Variants in COL4A3 observed in about 807,000 individuals in gnomAD.
The protein encoded by COL4A3 is collagen type IV alpha 3 chain.
Under a neutral mutation model 217.4 loss-of-function variants are expected in COL4A3, and 135 were observed. That is an observed-to-expected ratio of 0.62 (90% CI 0.54 to 0.72). The LOEUF (loss-of-function observed/expected upper bound fraction) is 0.72. Ranked by LOEUF, COL4A3 falls within the 30% of genes least tolerant of loss-of-function variation. The pLI, the probability that COL4A3 is intolerant of heterozygous loss-of-function variation, is 0.00. For missense variants in COL4A3, 1,868 were observed against 2,119.9 expected (o/e 0.88, Z 2.33); for synonymous variants, 690 against 736.3 (o/e 0.94, Z 1.02).
At chr2:227,174,328 T>G (rs2065597427) in intron 1 of COL4A3, among the ~76,000 whole-genome samples, 1 of 152,126 alleles carries the variant, frequency 6.6e-6, no homozygotes, top group Non-Finnish European at 1.5e-5. Flanking sequence ...AGAAATCAAA[T>G]TATCACTAGC....
chr2:227,204,128 G>T (rs183639005), intron 1 of COL4A3, among the ~76,000 whole-genome samples: 33 of 152,200 alleles, frequency 2.2e-4, no homozygotes, highest in Admixed American at 2.2e-3. Flanking sequence ...AAATTACCTG[G>T]ATTCAACTCC....
chr2:227,303,103 C>T lies in COL4A3; in HGVS notation c.3948C>T (p.Gly1316=), dbSNP rs368594549. The T allele has an allele frequency of 8.1e-6, 13 of 1,613,236 alleles. No homozygotes were observed. Among genetic ancestry groups the T allele is most frequent in the Admixed American group, 3.3e-5 (2 of 59,976 alleles). The change falls in exon 44 of 52, where the codon GGC becomes GGT. Residue 1316 remains glycine, a synonymous_variant. Transcript: ENST00000396578. ...ATCCTGGATTCCAGGGGTTTCCAGG[C>T]GTGAAAGGTACTGTTTTTGTGCATT... ...RGDPGFQGFP[G]VKGEKGNPGF...
At chr2:227,235,837 A>T (rs1428325465) in intron 1 of COL4A3, among the ~76,000 whole-genome samples, 1 of 143,644 alleles carries the variant, frequency 7.0e-6, no homozygotes, top group Admixed American at 7.3e-5. Flanking sequence ...GCAATGGCGC[A>T]ATCTCGGCTC....
chr2:227,164,854 C>A lies in COL4A3; in HGVS notation c.87+41C>A. On this transcript the variant is annotated intron_variant, in intron 1 of 51. Transcript: ENST00000396578. The surrounding 1 kb of genome is among the most constrained non-coding windows in gnomAD (Gnocchi z 4.8). The stretch of plus-strand genomic sequence containing the variant: ...GCGACCCCCACCCCCGCACTTCCAT[C>A]CCTCCTCCACGCGTCCGGGGGACGC... The A allele has an allele frequency of 1.4e-6, 2 of 1,466,856 alleles. No individual in the cohort carries two copies. The highest frequency in any genetic ancestry group is 1.8e-6 in the Non-Finnish European group (2 of 1,116,250). 90.9% of individuals were successfully genotyped at this position (1,466,856 alleles called of 1,614,324 possible).
At chr2:227,207,755 A>C (rs562487361) in intron 1 of COL4A3, among the ~76,000 whole-genome samples, 5 of 152,292 alleles carry the variant, frequency 3.3e-5, no homozygotes, top group African/African-American at 1.2e-4. Flanking sequence ...CAGCAGGCAT[A>C]CTTTGGATTG....
chr2:227,283,679 CTAAGTA>C (rs1403114210), intron 32 of COL4A3, 82 bp from the exon 33 acceptor site: 6 of 1,126,770 alleles, frequency 5.3e-6, no homozygotes, highest in Admixed American at 1.7e-5. Flanking sequence ...ATCTCTGCTT[CTAAGTA>C]TAATTTATTT....
chr2:227,295,007 AG>A lies in COL4A3; in HGVS notation c.3464del (p.Gly1155ValfsTer21), dbSNP rs2072964691. 2 of 1,612,098 alleles carry A rather than the reference AG, an allele frequency of 1.2e-6. No individual in the cohort carries two copies. The highest frequency in any genetic ancestry group is 2.2e-5 in the South Asian group (2 of 91,024). On this transcript the variant is annotated frameshift_variant, in exon 40 of 52. Coordinates refer to ENST00000396578, the MANE Select transcript of COL4A3 (RefSeq NM_000091.5). LOFTEE classifies it high-confidence loss of function. ...PGSPGPMGIR[G>X]DQGRDGIPGP... ...GATCTCCTGGACCAATGGGTATAAG[AG>A]GTGACCAAGGACGTGATGGAATTCC... is the stretch of plus-strand genomic sequence containing the variant.
At chr2:227,198,008 T>C (rs1048471456) in intron 1 of COL4A3, among the ~76,000 whole-genome samples, 1 of 152,206 alleles carries the variant, frequency 6.6e-6, no homozygotes, top group African/African-American at 2.4e-5. Context: ...GTTGTGGAAA[T>C]CGTGTTTATG....
At chr2:227,225,101 C>T (rs989814549) in intron 1 of COL4A3, among the ~76,000 whole-genome samples, 17 of 152,108 alleles carry the variant, frequency 1.1e-4, no homozygotes, top group African/African-American at 2.9e-4. Flanking sequence ...AGACAGGGTC[C>T]CACTATGTTG....
At position 227,221,135 on chromosome 2, in the gene COL4A3, A is replaced by G. The variant is rs190920688; in HGVS notation, c.88-16833A>G. On this transcript the variant is annotated intron_variant, in intron 1 of 51. Coordinates refer to ENST00000396578, the MANE Select transcript of COL4A3 (RefSeq NM_000091.5). ...CTTGTCCAGCACAAAGGAATTATCA[A>G]CACCTGTACATGTCATGAAATTACC... 7 of 152,296 alleles carry G rather than the reference A, an allele frequency of 4.6e-5. No individual in the cohort carries two copies. In the East Asian group the frequency reaches 7.7e-4, roughly 17 times the overall value. The allele number at this position is 152,296 out of a possible 1,614,324, so 9.4% of individuals were successfully genotyped here.
At chr2:227,215,098 G>A (rs4673182) in intron 1 of COL4A3, among the ~76,000 whole-genome samples, 138,797 of 152,150 alleles carry the variant, frequency 0.91, 63,477 homozygotes, top group Non-Finnish European at 0.95. Flanking sequence ...TTTTCTAGCA[G>A]TGCATTTTTA....
intron 3 of COL4A3, among the ~76,000 whole-genome samples, chr2:227,241,881 C>G (rs958621585): frequency 6.6e-6 from 1 of 152,088 alleles, no homozygotes; most frequent in African/African-American, 2.4e-5. Context: ...CCATCATTAC[C>G]TCCACTACAT....
intron 39 of COL4A3, 45 bp downstream of exon 39, chr2:227,294,615 A>G: frequency 7.5e-7 from 1 of 1,340,172 alleles, no homozygotes; most frequent in Middle Eastern, 1.8e-4. Context: ...TGTGGGAGAC[A>G]CATTTTCTCC....
chr2:227,305,433 A>G (rs1244654838), intron 47 of COL4A3: 1 of 232,926 alleles, frequency 4.3e-6, no homozygotes, highest in Non-Finnish European at 8.7e-6. Flanking sequence ...GGAGCAGTAC[A>G]TAAGTATGTA....
At position 227,240,208 on chromosome 2, in the gene COL4A3, C is replaced by G; in HGVS notation, c.210C>G (p.Gly70=). ...AGAAAGGATTCACAGGTCCTGAAGG[C>G]TTGCCTGGACCGCAGGGACCCAAGG... ...PGQKGFTGPE[G]LPGPQGPKGF... The change falls in exon 3 of 52, where the codon GGC becomes GGG. Residue 70 remains glycine (G), a synonymous_variant. Coordinates refer to ENST00000396578, the MANE Select transcript of COL4A3 (RefSeq NM_000091.5). 6.2e-7 allele frequency: 1 copy of G among 1,611,544 alleles called. No individual in the cohort carries two copies.
At chr2:227,261,420 G>A (rs535228216) in intron 20 of COL4A3, among the ~76,000 whole-genome samples, 57 of 152,308 alleles carry the variant, frequency 3.7e-4, no homozygotes, top group African/African-American at 1.4e-3. Flanking sequence ...CCAGCTAGTC[G>A]GGAGGCTGAG....
chr2:227,249,382 TG>T (rs2125919745), intron 9 of COL4A3, among the ~76,000 whole-genome samples: 1 of 149,844 alleles, frequency 6.7e-6, no homozygotes, highest in Non-Finnish European at 1.5e-5. Context: ...ACTACACGCA[TG>T]GGCCACCATG....
In COL4A3 at chr2:227,165,199, T is replaced by C. The variant is rs116243813; in HGVS notation, c.87+386T>C. 7.5e-3 allele frequency among the ~76,000 whole-genome samples: 1,138 copies of C among 152,226 alleles called. 16 individuals carry two copies. Among genetic ancestry groups the C allele is most frequent in the African/African-American group, 0.026 (1,083 of 41,516 alleles). ...ACGCTGGTGAATCAAATCAAGCAGC[T>C]TGGCCCAGCGCACAGAGGGCTGGCA... is the stretch of plus-strand genomic sequence containing the variant. On this transcript the variant is annotated intron_variant, in intron 1 of 51. Transcript: ENST00000396578.
In COL4A3 at chr2:227,266,409, T is replaced by A. The variant is rs1477049146; in HGVS notation, c.1316-8T>A. 1 of 1,611,240 alleles carries A rather than the reference T, an allele frequency of 6.2e-7. No individual in the cohort carries two copies. The highest frequency in any genetic ancestry group is 8.5e-7 in the Non-Finnish European group (1 of 1,177,516). ...TAAAAAATTGTCTTTGGTGCTGTAT[T>A]TTTATAGGTGACATCGTTTTTCGCA... On this transcript the variant is annotated splice_region_variant and splice_polypyrimidine_tract_variant and intron_variant, in intron 21 of 51. Transcript: ENST00000396578.
Sources: gnomAD v4.1 joint callset for allele counts (sites outside exome capture counted in the v4.1 genomes callset) on GRCh38, gnomAD v4.1.1 for gene constraint, Gnocchi (gnomAD v3.1) non-coding constraint, MANE v1.5 for transcripts, NCBI Gene and HGNC (gene_info 2026-07-23, HGNC 2026-07-21) for gene names.